TAGLN3: variants seen among roughly 807,000 people sequenced by gnomAD.
TAGLN3 encodes transgelin 3, also known as transgelin-3.
TAGLN3 carries 12 observed loss-of-function variants against 25.4 expected under a neutral mutation model. The ratio of observed to expected loss-of-function variants is 0.47; its 90% CI spans 0.30 to 0.77. The LOEUF is 0.77. Among genes scored for constraint, TAGLN3 ranks in the 30% least tolerant of loss-of-function variants. The probability of loss-of-function intolerance (pLI) is 0.06; values close to 1 mark genes in which losing one functional copy is unlikely to be tolerated. For missense variants in TAGLN3, 218 were observed against 255.8 expected (o/e 0.85, Z 1.01); for synonymous variants, 96 against 94.8 (o/e 1.01, Z -0.08).
chr3:112,003,687 G>A (rs1247287887), intron 3 of TAGLN3, among the ~76,000 whole-genome samples: 3 of 152,154 alleles, frequency 2.0e-5, no homozygotes, highest in African/African-American at 4.8e-5. Flanking sequence ...CACCTTGGTT[G>A]TGGTGTCTGT....
Position 112,013,595 on chromosome 3 carries a change from C to T in TAGLN3, c.*44C>T, listed in dbSNP as rs1439918967. The T allele has an allele frequency of 1.2e-6, 2 of 1,613,288 alleles. No homozygotes were observed. The highest frequency in any genetic ancestry group is 2.2e-5 in the East Asian group (1 of 44,864). ...TGGTAGAGAGGACGAATGTTCCACA[C>T]CATGGTCTCTACGAAAAAGAAATAG... On this transcript the variant is annotated 3_prime_UTR_variant, in exon 5 of 5. Coordinates refer to ENST00000478951, the MANE Select transcript of TAGLN3 (RefSeq NM_001008272.2).
intron 2 of TAGLN3, among the ~76,000 whole-genome samples, chr3:112,000,318 G>A (rs2072841571): frequency 6.6e-6 from 1 of 152,136 alleles, no homozygotes; most frequent in African/African-American, 2.4e-5. Flanking sequence ...TAAAATATAT[G>A]GGATGAGTAA....
In TAGLN3 at chr3:112,011,884, C is replaced by A. The variant is rs376200962; in HGVS notation, c.458+19C>A. Reference sequence around the variant, plus strand: ...TTCACAGGTAAAAGCCTCTTCCTTGCCCCCTGGACCACAAGGCGATTTTAA... The same window carrying A: ...TTCACAGGTAAAAGCCTCTTCCTTGACCCCTGGACCACAAGGCGATTTTAA... On this transcript the variant is annotated intron_variant, in intron 4 of 4. Transcript: ENST00000478951. The A allele has an allele frequency of 8.7e-6, 14 of 1,606,628 alleles. No homozygotes were observed. Among genetic ancestry groups the A allele is most frequent in the South Asian group, 1.1e-5 (1 of 90,230 alleles).
At chr3:112,005,356 ACGTATAAAAT>A (rs1216977985) in intron 3 of TAGLN3, among the ~76,000 whole-genome samples, 1 of 152,118 alleles carries the variant, frequency 6.6e-6, no homozygotes, top group Non-Finnish European at 1.5e-5. Context: ...TGTGCATTAA[ACGTATAAAAT>A]TCTAGAATGT....
rs541373804 is a variant in TAGLN3, at chr3:112,003,402, C to A, written c.355+2456C>A. Among the ~76,000 whole-genome samples the A allele has an allele frequency of 2.0e-5, 3 of 152,250 alleles. No individual in the cohort carries two copies. The South Asian group carries it at 6.2e-4, about 32-fold the overall frequency. ...GGGGAAGGCTGACAGTACTGCAGAGCAGACTGAGCAAGTGAGGCTGGGGTC... is the reference window on the plus strand; with the variant it reads ...GGGGAAGGCTGACAGTACTGCAGAGAAGACTGAGCAAGTGAGGCTGGGGTC... On this transcript the variant is annotated intron_variant, in intron 3 of 4. Coordinates refer to ENST00000478951, the MANE Select transcript of TAGLN3 (RefSeq NM_001008272.2).
chr3:112,011,418 G>C (rs1052141618), intron 3 of TAGLN3, among the ~76,000 whole-genome samples: 1 of 152,186 alleles, frequency 6.6e-6, no homozygotes, highest in Non-Finnish European at 1.5e-5. Flanking sequence ...TTGATTTGCT[G>C]TTCTTCATTT....
chr3:111,999,275 T>C, intron 1 of TAGLN3, 146 bp from the exon 2 acceptor site: 1 of 900,344 alleles, frequency 1.1e-6, no homozygotes, highest in Non-Finnish European at 1.6e-6. Flanking sequence ...CATTGGCTCC[T>C]TGATTTAAAC....
intron 3 of TAGLN3, among the ~76,000 whole-genome samples, chr3:112,005,698 T>TC (rs2072909198): frequency 5.9e-5 from 1 of 17,064 alleles, no homozygotes; most frequent in African/African-American, 1.1e-4. Context: ...ATTTTCTTTT[T>TC]TTTCTTTTTT....
chr3:112,007,401 A>G (rs1303168736), intron 3 of TAGLN3, among the ~76,000 whole-genome samples: 1 of 152,144 alleles, frequency 6.6e-6, no homozygotes, highest in African/African-American at 2.4e-5. Context: ...TTGCCTTTTC[A>G]TCCCTCCCAC....
chr3:112,006,274 T>C (rs1313516803), intron 3 of TAGLN3, among the ~76,000 whole-genome samples: 1 of 152,128 alleles, frequency 6.6e-6, no homozygotes, highest in Non-Finnish European at 1.5e-5. Context: ...TTTGTATTTC[T>C]TACCAATTCA....
rs962843090 is a variant in TAGLN3 at position 111,999,100 on chromosome 3, G to C, written c.-17G>C. 1.1e-4 allele frequency: 22 copies of C among 196,078 alleles called. No individual in the cohort carries two copies. The Admixed American group carries it at 1.2e-3, about 10-fold the overall frequency. 12.1% of individuals were successfully genotyped at this position (196,078 alleles called of 1,614,324 possible). A position where few individuals can be genotyped will look rare whatever the true frequency, so the allele number is the denominator to read the frequency against. ...CCACCCATCCCCCTTGCTGCCTGGG[G>C]GTTCAGACTTGATTGTGAGTCCGTG... On this transcript the variant is annotated 5_prime_UTR_variant, in exon 1 of 5. Coordinates refer to ENST00000478951, the MANE Select transcript of TAGLN3 (RefSeq NM_001008272.2).
intron 3 of TAGLN3, among the ~76,000 whole-genome samples, chr3:112,010,605 A>T (rs2072965212): frequency 3.3e-5 from 5 of 152,142 alleles, no homozygotes; most frequent in Admixed American, 3.3e-4. Context: ...TGCTTCTGAA[A>T]TACTTCATTC....
chr3:112,013,582 C>T lies in TAGLN3; in HGVS notation c.*31C>T, dbSNP rs748001764. On this transcript the variant is annotated 3_prime_UTR_variant, in exon 5 of 5. Coordinates refer to ENST00000478951, the MANE Select transcript of TAGLN3 (RefSeq NM_001008272.2). ...GGCATCCTGCCCCTGGTAGAGAGGA[C>T]GAATGTTCCACACCATGGTCTCTAC... The T allele has an allele frequency of 8.1e-6, 13 of 1,613,816 alleles. No individual in the cohort carries two copies. The South Asian group carries it at 1.3e-4, about 16-fold the overall frequency.
intron 2 of TAGLN3, 73 bp from the exon 3 acceptor site, chr3:112,000,699 A>C: frequency 6.6e-7 from 1 of 1,506,304 alleles, no homozygotes; most frequent in Non-Finnish European, 9.1e-7. Context: ...CCACGTGAGC[A>C]GGATTCACTT....
chr3:112,011,953 T>C (rs1309282559), intron 4 of TAGLN3, 88 bp downstream of exon 4: 4 of 1,224,560 alleles, frequency 3.3e-6, no homozygotes, highest in Non-Finnish European at 3.4e-6. Flanking sequence ...AGAGGCTTTA[T>C]GTGCAAAGCC....
chr3:111,999,675 A>C (rs1010312488), intron 2 of TAGLN3, 73 bp downstream of exon 2: 305 of 1,547,418 alleles, frequency 2.0e-4, no homozygotes, highest in Non-Finnish European at 2.5e-4. Context: ...CTTTTAACGT[A>C]AGGCTGCGGG....
chr3:111,999,574 A>G lies in TAGLN3; in HGVS notation c.152A>G (p.His51Arg). ...DIEHPPPGRA[H>R]FQKWLMDGTV... is the part of the protein sequence containing the mutation. Reference sequence around the variant, plus strand: ...GAGCACCCGCCCCCCGGCAGGGCCCATTTTCAGAAATGGTTAATGGACGGG... The same window carrying G: ...GAGCACCCGCCCCCCGGCAGGGCCCGTTTTCAGAAATGGTTAATGGACGGG... Residue 51 changes from histidine (H) to arginine (R), a missense_variant, in exon 2 of 5, where the codon CAT becomes CGT. Transcript: ENST00000478951. 1 of 1,613,890 alleles carries G rather than the reference A, an allele frequency of 6.2e-7. No homozygotes were observed. The highest frequency in any genetic ancestry group is 8.5e-7 in the Non-Finnish European group (1 of 1,179,920).
intron 3 of TAGLN3, among the ~76,000 whole-genome samples, chr3:112,005,697 TTTTTC>T (rs532107342): frequency 0.63 from 62,134 of 99,390 alleles, 20,070 homozygotes; most frequent in Middle Eastern, 0.75. Context: ...AATTTTCTTT[TTTTTC>T]TTTTTTTTTT....
chr3:112,002,943 T>G (rs961683191), intron 3 of TAGLN3, among the ~76,000 whole-genome samples: 4 of 151,836 alleles, frequency 2.6e-5, no homozygotes, highest in Non-Finnish European at 4.4e-5. Context: ...CCTGGAGGGA[T>G]GAGTGTGGTC....
Sources: allele counts gnomAD v4.1 joint callset (sites outside exome capture counted in the v4.1 genomes callset), GRCh38; gene constraint gnomAD v4.1.1; transcripts MANE v1.5; gene names NCBI Gene and HGNC (gene_info 2026-07-23, HGNC 2026-07-21).